The following RNF149 variants were observed in gnomAD, a reference collection of about 807,000 sequenced individuals.
RNF149 encodes E3 ubiquitin-protein ligase RNF149.
A neutral mutation model predicts 39.0 loss-of-function variants in RNF149; 21 were observed. That is an observed-to-expected ratio of 0.54 (90% CI 0.38 to 0.77). The LOEUF (loss-of-function observed/expected upper bound fraction) is 0.77. Among genes scored for constraint, RNF149 ranks in the 30% least tolerant of loss-of-function variants. The pLI, the probability that RNF149 is intolerant of heterozygous loss-of-function variation, is 0.00. For synonymous variants in RNF149, 209 were observed against 213.6 expected (o/e 0.98, Z 0.19); for missense variants, 493 against 534.9 (o/e 0.92, Z 0.77).
intron 1 of RNF149, among the ~76,000 whole-genome samples, chr2:101,296,476 A>C (rs1683239342): frequency 6.6e-6 from 1 of 152,198 alleles, no homozygotes; most frequent in South Asian, 2.1e-4. Flanking sequence ...CTTTAGAGTT[A>C]AAGTAATTAA....
chr2:101,301,238 G>GT (rs66471016), intron 1 of RNF149, among the ~76,000 whole-genome samples: 58,104 of 148,888 alleles, frequency 0.39, 11,694 homozygotes, highest in East Asian at 0.53. Context: ...GGCAATTTCT[G>GT]TTTTTTTTTT....
In RNF149 at chr2:101,281,929, G is replaced by A. The variant is rs1174605772; in HGVS notation, c.1089C>T (p.Ser363=). ...CACACTGTGGCTCAGATTCAGCAGG[G>A]GAGGCTGATGGTGGACTGCTGTCAT... ...GSDDSSPPSA[S]PAESEPQCDP... is the part of the protein sequence containing the mutation. Residue 363 remains serine (S), a synonymous_variant, in exon 6 of 7, where the codon TCC becomes TCT. Coordinates refer to ENST00000295317, the MANE Select transcript of RNF149 (RefSeq NM_173647.4). 2.5e-6 allele frequency: 4 copies of A among 1,613,594 alleles called. No individual in the cohort carries two copies. The highest frequency in any genetic ancestry group is 1.3e-5 in the African/African-American group (1 of 74,862).
Position 101,308,679 on chromosome 2 carries a change from C to CAGTCTT in RNF149, c.-92_-91insAAGACT. ...AGAGAGAAGCGGACACCCACCGCCG[C>CAGTCTT]CCTGGAAGACTGAGGCGGGGTCGGG... On this transcript the variant is annotated 5_prime_UTR_variant, in exon 1 of 7. Coordinates refer to ENST00000295317, the MANE Select transcript of RNF149 (RefSeq NM_173647.4). 1 of 1,200,818 alleles carries CAGTCTT rather than the reference C, an allele frequency of 8.3e-7. No homozygotes were observed. Among genetic ancestry groups the CAGTCTT allele is most frequent in the Non-Finnish European group, 1.1e-6 (1 of 902,986 alleles). The allele number at this position is 1,200,818 out of a possible 1,614,324, so 74.4% of individuals were successfully genotyped here. A position where few individuals can be genotyped will look rare whatever the true frequency, so the allele number is the denominator to read the frequency against.
downstream of RNF149, among the ~76,000 whole-genome samples, chr2:101,274,477 C>CA (rs1256143385): frequency 1.3e-5 from 2 of 152,216 alleles, no homozygotes; most frequent in Non-Finnish European, 2.9e-5. Context: ...CTCCAGTGCT[C>CA]AGAGCATGGA....
intron 3 of RNF149, among the ~76,000 whole-genome samples, chr2:101,291,992 C>T (rs964259692): frequency 6.6e-6 from 1 of 152,172 alleles, no homozygotes; most frequent in Non-Finnish European, 1.5e-5. Flanking sequence ...CTGAACATCG[C>T]GGCTTAGCCT....
At chr2:101,273,193 C>T (rs562753563), downstream of RNF149, 70 of 1,163,082 alleles carry the variant, frequency 6.0e-5, no homozygotes, top group South Asian at 4.8e-4. Context: ...ACCCAGAACG[C>T]CAGTCCAGAC....
chr2:101,308,620 A>C lies in RNF149; in HGVS notation c.-32T>G, dbSNP rs1683785122. On this transcript the variant is annotated 5_prime_UTR_variant, in exon 1 of 7. Coordinates refer to ENST00000295317, the MANE Select transcript of RNF149 (RefSeq NM_173647.4). ...ACCGCTGAGCTGACTAGGGGGAGTC[A>C]GGGTCACGCGCGAGTGCGGTGCAGT... 1 of 1,483,240 alleles carries C rather than the reference A, an allele frequency of 6.7e-7. No homozygotes were observed. Among genetic ancestry groups the C allele is most frequent in the African/African-American group, 1.5e-5 (1 of 68,786 alleles). The allele number at this position is 1,483,240 out of a possible 1,614,324, so 91.9% of individuals were successfully genotyped here.
chr2:101,306,354 G>C (rs572936632), intron 1 of RNF149, among the ~76,000 whole-genome samples: 8 of 152,320 alleles, frequency 5.3e-5, no homozygotes, highest in African/African-American at 1.7e-4. Flanking sequence ...ACTGTTGATA[G>C]TATGTATGTG....
rs1683787186 is a variant in RNF149 at position 101,308,650 on chromosome 2, G to A, written c.-62C>T. On this transcript the variant is annotated 5_prime_UTR_variant, in exon 1 of 7. Transcript: ENST00000295317. The stretch of plus-strand genomic sequence containing the variant: ...CACGCGCGAGTGCGGTGCAGTCGAA[G>A]AGCAGAGAGAAGCGGACACCCACCG... 2.2e-6 allele frequency: 3 copies of A among 1,381,478 alleles called. No homozygotes were observed. The highest frequency in any genetic ancestry group is 1.5e-5 in the South Asian group (1 of 66,250). 85.6% of individuals were successfully genotyped at this position (1,381,478 alleles called of 1,614,324 possible).
downstream of RNF149, among the ~76,000 whole-genome samples, chr2:101,272,425 ATAAC>A (rs1182696444): frequency 6.6e-6 from 1 of 152,244 alleles, no homozygotes; most frequent in Non-Finnish European, 1.5e-5. Context: ...TTACACTTTT[ATAAC>A]TAGTAATCCA....
rs532855041 is a variant in RNF149 at position 101,296,149 on chromosome 2, A to G, written c.461-968T>C. On this transcript the variant is annotated intron_variant, in intron 1 of 6. Transcript: ENST00000295317. ...AAACAAACAAAAAACTATACAGACC[A>G]ATTCCACTTATGAGTACTAATACAT... is the stretch of plus-strand genomic sequence containing the variant. Among the ~76,000 whole-genome samples the G allele has an allele frequency of 5.9e-5, 9 of 152,256 alleles. No individual in the cohort carries two copies. The South Asian group carries it at 1.9e-3, about 32-fold the overall frequency.
chr2:101,301,332 T>TA (rs1491333454), intron 1 of RNF149, among the ~76,000 whole-genome samples: 1 of 128,818 alleles, frequency 7.8e-6, no homozygotes, highest in Admixed American at 7.3e-5. Flanking sequence ...CAAATATAGA[T>TA]TTTTTTTTTT....
At chr2:101,291,417 G>A (rs2104410054) in intron 3 of RNF149, among the ~76,000 whole-genome samples, 1 of 150,982 alleles carries the variant, frequency 6.6e-6, no homozygotes, top group East Asian at 1.9e-4. Context: ...CCAAAGTGCT[G>A]GGATTACAGG....
rs1237775841 is a variant in RNF149 at position 101,308,684 on chromosome 2, G to A, written c.-96C>T. On this transcript the variant is annotated 5_prime_UTR_variant, in exon 1 of 7. Transcript: ENST00000295317. ...GAAGCGGACACCCACCGCCGCCCTG[G>A]AAGACTGAGGCGGGGTCGGGGCCGC... 1 of 1,163,274 alleles carries A rather than the reference G, an allele frequency of 8.6e-7. No individual in the cohort carries two copies. Among genetic ancestry groups the A allele is most frequent in the Non-Finnish European group, 1.2e-6 (1 of 868,812 alleles). The allele number at this position is 1,163,274 out of a possible 1,614,324, so 72.1% of individuals were successfully genotyped here.
downstream of RNF149, chr2:101,272,799 G>T: frequency 2.4e-6 from 1 of 416,188 alleles, no homozygotes; most frequent in Non-Finnish European, 4.4e-6. Flanking sequence ...TGGGGAATTT[G>T]GTTACATTGG....
In RNF149 at chr2:101,306,547, T is replaced by A. The variant is rs1683665966; in HGVS notation, c.460+1582A>T. 2.0e-5 allele frequency among the ~76,000 whole-genome samples: 3 copies of A among 152,190 alleles called. No individual in the cohort carries two copies. In the South Asian group the frequency reaches 6.2e-4, roughly 32 times the overall value. The stretch of plus-strand genomic sequence containing the variant: ...CTCCTTTCTGCTGCGACTGAGGAAC[T>A]GTCCTTGGACCGCCTGTGACCAAGC... On this transcript the variant is annotated intron_variant, in intron 1 of 6. Transcript: ENST00000295317.
downstream of RNF149, chr2:101,273,085 G>A (rs778789448): frequency 7.3e-7 from 1 of 1,361,858 alleles, no homozygotes; most frequent in Non-Finnish European, 9.8e-7. Context: ...AAGGCTGTGT[G>A]TTCAGGATCC....
At chr2:101,294,876 G>C (rs953284372) in intron 2 of RNF149, 55 bp downstream of exon 2, 9 of 1,344,410 alleles carry the variant, frequency 6.7e-6, no homozygotes, top group Non-Finnish European at 9.4e-6. Context: ...ATATATATGC[G>C]GCATATTTAT....
At chr2:101,296,103 G>C (rs1298233089) in intron 1 of RNF149, among the ~76,000 whole-genome samples, 1 of 152,164 alleles carries the variant, frequency 6.6e-6, no homozygotes, top group African/African-American at 2.4e-5. Flanking sequence ...GGGCGACAAA[G>C]TATGACTGTA....
Sources: allele counts gnomAD v4.1 joint callset (sites outside exome capture counted in the v4.1 genomes callset), GRCh38; gene constraint gnomAD v4.1.1; transcripts MANE v1.5; gene names NCBI Gene and HGNC (gene_info 2026-07-23, HGNC 2026-07-21).